Variants in CCDC88A observed in about 807,000 individuals in gnomAD.
CCDC88A encodes the protein girdin.
A neutral mutation model predicts 234.3 loss-of-function variants in CCDC88A; 54 were observed. The ratio of observed to expected loss-of-function variants is 0.23; its 90% CI spans 0.19 to 0.29. CCDC88A has a LOEUF of 0.29. Among genes scored for constraint, CCDC88A ranks in the 10% least tolerant of loss-of-function variants. The probability of loss-of-function intolerance (pLI) is 1.00; values close to 1 mark genes in which losing one functional copy is unlikely to be tolerated. For synonymous variants in CCDC88A, 753 were observed against 737.8 expected, an observed-to-expected ratio of 1.02 and a Z score of -0.33; for missense variants, 1,832 against 2,123.4, an observed-to-expected ratio of 0.86 and a Z score of 2.70.
At chr2:55,301,464 G>A in intron 27 of CCDC88A, 187 bp from the exon 28 acceptor site, 1 of 524,390 alleles carries the variant, frequency 1.9e-6, no homozygotes, top group Admixed American at 3.7e-5. Context: ...CATTAGAGTT[G>A]ACTTGCTTAG....
chr2:55,355,061 T>C (rs756261914), intron 8 of CCDC88A, among the ~76,000 whole-genome samples: 4 of 150,984 alleles, frequency 2.6e-5, no homozygotes, highest in Admixed American at 6.7e-5. Context: ...TTAACTGAAA[T>C]GTCGTTATGT....
At chr2:55,343,865 C>G in intron 11 of CCDC88A, 73 bp from the exon 12 acceptor site, 2 of 1,227,162 alleles carry the variant, frequency 1.6e-6, no homozygotes, top group Non-Finnish European at 2.2e-6. Flanking sequence ...TACTTTATTT[C>G]TCACAACTTT....
chr2:55,373,679 C>T (rs1047592721), intron 4 of CCDC88A, among the ~76,000 whole-genome samples: 2 of 152,158 alleles, frequency 1.3e-5, no homozygotes, highest in African/African-American at 4.8e-5. Flanking sequence ...CGATGGGAAA[C>T]AATTCCATCC....
At chr2:55,315,780 TG>T (rs1373718404) in intron 22 of CCDC88A, 147 bp downstream of exon 22, 1 of 431,616 alleles carries the variant, frequency 2.3e-6, no homozygotes, top group East Asian at 3.3e-5. Context: ...CTGAATTACA[TG>T]TAAGTTTCAG....
chr2:55,324,562 TATG>T (rs950508129), intron 17 of CCDC88A, among the ~76,000 whole-genome samples: 2 of 152,354 alleles, frequency 1.3e-5, no homozygotes, highest in African/African-American at 4.8e-5. Context: ...ATCCAGTTTT[TATG>T]ATGATGAATG....
chr2:55,389,576 T>C (rs1480978718), intron 2 of CCDC88A, among the ~76,000 whole-genome samples: 2 of 152,174 alleles, frequency 1.3e-5, no homozygotes, highest in Admixed American at 6.5e-5. Flanking sequence ...ACACAGTCCA[T>C]TGCATTCCTA....
chr2:55,413,889 C>T (rs1680918397), intron 2 of CCDC88A, among the ~76,000 whole-genome samples: 1 of 151,724 alleles, frequency 6.6e-6, no homozygotes, highest in Admixed American at 6.6e-5. Flanking sequence ...GAGGTGAAGG[C>T]TGCAGTGAGC....
At chr2:55,315,095 C>A (rs1191967235) in intron 22 of CCDC88A, 1 of 152,194 alleles carries the variant, frequency 6.6e-6, no homozygotes, top group Non-Finnish European at 1.5e-5. Flanking sequence ...CTTGAAAATC[C>A]TTTAATTTTT....
intron 2 of CCDC88A, among the ~76,000 whole-genome samples, chr2:55,395,861 C>A (rs1384285031): frequency 6.6e-6 from 1 of 152,038 alleles, no homozygotes; most frequent in Non-Finnish European, 1.5e-5. Flanking sequence ...TCAGAATAGC[C>A]CAAGGCAAAT....
At chr2:55,295,425 A>C in intron 31 of CCDC88A, 172 bp downstream of exon 31, 1 of 1,550,832 alleles carries the variant, frequency 6.4e-7, no homozygotes, top group Non-Finnish European at 8.7e-7. Flanking sequence ...AGGCATCCTA[A>C]TAGTGGCAAA....
chr2:55,322,447 A>G (rs1574099970), intron 18 of CCDC88A, 81 bp downstream of exon 18: 3 of 805,390 alleles, frequency 3.7e-6, no homozygotes, highest in Non-Finnish European at 3.8e-6. Flanking sequence ...TAAATATTAG[A>G]AAATGTATCT....
intron 2 of CCDC88A, among the ~76,000 whole-genome samples, chr2:55,399,012 T>A (rs1678112828): frequency 6.6e-6 from 1 of 152,184 alleles, no homozygotes; most frequent in Non-Finnish European, 1.5e-5. Context: ...GTAAATATTA[T>A]ATAGTTATAA....
At chr2:55,341,755 T>C (rs1298596740) in intron 12 of CCDC88A, among the ~76,000 whole-genome samples, 1 of 152,186 alleles carries the variant, frequency 6.6e-6, no homozygotes, top group Non-Finnish European at 1.5e-5. Context: ...AATTTCATTC[T>C]TTTTATGACT....
At chr2:55,303,841 T>C (rs569421324) in intron 25 of CCDC88A, among the ~76,000 whole-genome samples, 7 of 152,220 alleles carry the variant, frequency 4.6e-5, no homozygotes, top group East Asian at 1.9e-4. Flanking sequence ...ATGATGAAAA[T>C]GTACAAGGCT....
intron 2 of CCDC88A, among the ~76,000 whole-genome samples, chr2:55,411,794 A>AG (rs1558849196): frequency 7.1e-6 from 1 of 141,474 alleles, no homozygotes; most frequent in African/African-American, 2.6e-5. Context: ...AAAAAAAAAA[A>AG]AAAAAAAAAC....
intron 3 of CCDC88A, among the ~76,000 whole-genome samples, chr2:55,376,628 C>T (rs1673688379): frequency 6.6e-6 from 1 of 152,058 alleles, no homozygotes; most frequent in African/African-American, 2.4e-5. Flanking sequence ...AATATGCCTG[C>T]ATTTAAAGAA....
At chr2:55,330,743 A>G (rs1251818850) in intron 16 of CCDC88A, among the ~76,000 whole-genome samples, 2 of 152,228 alleles carry the variant, frequency 1.3e-5, no homozygotes, top group Admixed American at 6.5e-5. Context: ...AATATGTGGA[A>G]ATAATGAATG....
chr2:55,356,374 C>T (rs1670580996), intron 7 of CCDC88A: 1 of 151,906 alleles, frequency 6.6e-6, no homozygotes, highest in Non-Finnish European at 1.5e-5. Context: ...TTATATGTAA[C>T]ACAGTTTCTT....
Position 55,295,871 on chromosome 2 carries a change from T to A in CCDC88A, c.5277A>T (p.Arg1759=). The part of the protein sequence containing the change: ...TKPEFLRPGP[R]KTEDTYFISS... The stretch of plus-strand genomic sequence containing the variant: ...TAATGAAGTAGGTATCTTCAGTTTT[T>A]CGAGGACCAGGTCTCAAAAACTCAG... Residue 1759 remains arginine (R), a synonymous_variant, in exon 31 of 33, where the codon CGA becomes CGT. Coordinates refer to ENST00000436346, the MANE Select transcript of CCDC88A (RefSeq NM_001365480.1). 6.2e-7 allele frequency: 1 copy of A among 1,614,120 alleles called. No individual in the cohort carries two copies. The highest frequency in any genetic ancestry group is 8.5e-7 in the Non-Finnish European group (1 of 1,180,018).
Sources: gnomAD v4.1 joint callset for allele counts (sites outside exome capture counted in the v4.1 genomes callset) on GRCh38, gnomAD v4.1.1 for gene constraint, MANE v1.5 for transcripts, NCBI Gene and HGNC (gene_info 2026-07-23, HGNC 2026-07-21) for gene names.